PGR: variants seen among roughly 807,000 people sequenced by gnomAD.
The protein encoded by PGR is progesterone receptor, also known as nuclear receptor subfamily 3 group C member 3.
PGR carries 25 observed loss-of-function variants against 76.1 expected under a neutral mutation model. The observed-to-expected ratio is 0.33, with a 90% CI of 0.24 to 0.46. The LOEUF (loss-of-function observed/expected upper bound fraction) is 0.46. PGR is among the 20% of genes least tolerant of loss of function. The pLI is 1.00. For synonymous variants in PGR, 579 were observed against 535.0 expected, an observed-to-expected ratio of 1.08 and a Z score of -1.14; for missense variants, 1,172 against 1,225.3, an observed-to-expected ratio of 0.96 and a Z score of 0.65.
intron 3 of PGR, among the ~76,000 whole-genome samples, chr11:101,073,661 C>A (rs764974454): frequency 3.3e-5 from 5 of 152,090 alleles, no homozygotes; most frequent in Non-Finnish European, 7.4e-5. Context: ...CACCAGTGAT[C>A]CCACAGAAAT....
Position 101,069,670 on chromosome 11 carries a change from T to C in PGR, c.1907-6918A>G, listed in dbSNP as rs2135422046. On this transcript the variant is annotated intron_variant, in intron 3 of 7. Coordinates refer to ENST00000325455, the MANE Select transcript of PGR (RefSeq NM_000926.4). ...GTGGCACATATACACCATGGAATAC[T>C]ATGCAGCCATCAAAAGGGATGAGTT... 2.0e-5 allele frequency among the ~76,000 whole-genome samples: 3 copies of C among 152,338 alleles called. No individual in the cohort carries two copies. The South Asian group carries it at 6.2e-4, about 32-fold the overall frequency.
intron 2 of PGR, among the ~76,000 whole-genome samples, chr11:101,109,418 A>G (rs968550822): frequency 1.3e-5 from 2 of 152,210 alleles, no homozygotes; most frequent in Admixed American, 1.3e-4. Flanking sequence ...AATGATAAGA[A>G]AGCAAAAAAA....
Position 101,039,092 on chromosome 11 carries a change from T to C in PGR, c.*24A>G, listed in dbSNP as rs1304643660. 10 of 1,595,700 alleles carry C rather than the reference T, an allele frequency of 6.3e-6. No homozygotes were observed. The highest frequency in any genetic ancestry group is 8.6e-6 in the Non-Finnish European group (10 of 1,164,400). On this transcript the variant is annotated 3_prime_UTR_variant, in exon 8 of 8. Transcript: ENST00000325455. ...CAAAAAGACATACCACAAAATTTAA[T>C]TCTTTAAAAGAAAAAGATGACATTC...
Position 101,033,809 on chromosome 11 carries a change from A to AACTT in PGR, c.*5303_*5306dup. ...AAACGTCATAGACAAAGAGATCAGAAACTTAACATATAACTGACAAGACAA... is the reference window on the plus strand; with the variant it reads ...AAACGTCATAGACAAAGAGATCAGAAACTTACTTAACATATAACTGACAAGACAA... On this transcript the variant is annotated 3_prime_UTR_variant, in exon 8 of 8. Transcript: ENST00000325455. 1 of 207,914 alleles carries AACTT rather than the reference A, an allele frequency of 4.8e-6. No individual in the cohort carries two copies. Among genetic ancestry groups the AACTT allele is most frequent in the East Asian group, 7.3e-5 (1 of 13,622 alleles). The allele number at this position is 207,914 out of a possible 1,614,324, so 12.9% of individuals were successfully genotyped here.
Position 101,049,865 on chromosome 11 carries a change from T to G in PGR, c.2488+64A>C, listed in dbSNP as rs1860029697. ...ATACATAACTATATAATCATATTGT[T>G]TGCAACTTTTCTAATGAATTAAGAA... is the stretch of plus-strand genomic sequence containing the variant. On this transcript the variant is annotated intron_variant, in intron 6 of 7. Transcript: ENST00000325455. 5.7e-6 allele frequency: 8 copies of G among 1,392,542 alleles called. No homozygotes were observed. The Admixed American group carries it at 1.4e-4, about 24-fold the overall frequency. 86.3% of individuals were successfully genotyped at this position (1,392,542 alleles called of 1,614,324 possible).
chr11:101,033,007 C>A lies in PGR; in HGVS notation c.*6109G>T, dbSNP rs1021011006. The stretch of plus-strand genomic sequence containing the variant: ...TAACTTTTGTAAATCATATTTAATC[C>A]TCTCAAAATACAAAGAACTTTGATA... On this transcript the variant is annotated 3_prime_UTR_variant, in exon 8 of 8. Transcript: ENST00000325455. 7 of 190,128 alleles carry A rather than the reference C, an allele frequency of 3.7e-5. No individual in the cohort carries two copies. Among genetic ancestry groups the A allele is most frequent in the African/African-American group, 1.6e-4 (7 of 42,924 alleles). 11.8% of individuals were successfully genotyped at this position (190,128 alleles called of 1,614,324 possible).
intron 3 of PGR, 87 bp from the exon 4 acceptor site, chr11:101,062,839 C>A: frequency 1.2e-6 from 1 of 863,442 alleles, no homozygotes; most frequent in Non-Finnish European, 1.8e-6. Context: ...GTCTTAGAAT[C>A]ATAGCATTAT....
chr11:101,045,364 A>T (rs945851946), intron 6 of PGR, among the ~76,000 whole-genome samples: 1 of 152,190 alleles, frequency 6.6e-6, no homozygotes, highest in African/African-American at 2.4e-5. Flanking sequence ...TTACATGAAT[A>T]TATTGCATAG....
chr11:101,091,882 A>G lies in PGR; in HGVS notation c.1790-6T>C. The G allele has an allele frequency of 7.0e-7, 1 of 1,426,802 alleles. No individual in the cohort carries two copies. Among genetic ancestry groups the G allele is most frequent in the South Asian group, 1.1e-5 (1 of 87,202 alleles). 88.4% of individuals were successfully genotyped at this position (1,426,802 alleles called of 1,614,324 possible). A position where few individuals can be genotyped will look rare whatever the true frequency, so the allele number is the denominator to read the frequency against. On this transcript the variant is annotated splice_polypyrimidine_tract_variant and splice_region_variant and intron_variant, in intron 2 of 7. Transcript: ENST00000325455. ...ACATAAGTAGTTGTGCTGCCCTAAA[A>G]AAACAAAATGAGTCAAAATTATTTA... is the stretch of plus-strand genomic sequence containing the variant.
At chr11:101,055,127 A>C (rs1860240808) in intron 4 of PGR, among the ~76,000 whole-genome samples, 1 of 152,074 alleles carries the variant, frequency 6.6e-6, no homozygotes. Context: ...ATAATACAAA[A>C]AAATGGGCTG....
At chr11:101,058,410 C>A (rs1860369025) in intron 4 of PGR, among the ~76,000 whole-genome samples, 1 of 152,080 alleles carries the variant, frequency 6.6e-6, no homozygotes, top group Admixed American at 6.5e-5. Flanking sequence ...AGAAAAAATC[C>A]TCTGTCAAGA....
At position 101,035,348 on chromosome 11, in the gene PGR, A is replaced by G. The variant is rs1377938123; in HGVS notation, c.*3768T>C. The G allele has an allele frequency of 4.3e-6, 1 of 230,960 alleles. No individual in the cohort carries two copies. Among genetic ancestry groups the G allele is most frequent in the African/African-American group, 2.2e-5 (1 of 45,248 alleles). The allele number at this position is 230,960 out of a possible 1,614,324, so 14.3% of individuals were successfully genotyped here. A position where few individuals can be genotyped will look rare whatever the true frequency, so the allele number is the denominator to read the frequency against. Reference sequence around the variant, plus strand: ...TATCCTGACTTCTGATGTGTGAAGGATAAGTATGGATGAGAGAAACTGCTC... The same window carrying G: ...TATCCTGACTTCTGATGTGTGAAGGGTAAGTATGGATGAGAGAAACTGCTC... On this transcript the variant is annotated 3_prime_UTR_variant, in exon 8 of 8. Transcript: ENST00000325455.
chr11:101,048,824 C>A (rs1354546767), intron 6 of PGR, among the ~76,000 whole-genome samples: 1 of 152,022 alleles, frequency 6.6e-6, no homozygotes, highest in Non-Finnish European at 1.5e-5. Context: ...CTTACCGTAA[C>A]TTTTTTACTT....
chr11:101,123,526 G>C (rs1276340907), intron 2 of PGR, among the ~76,000 whole-genome samples: 1 of 152,164 alleles, frequency 6.6e-6, no homozygotes, highest in Non-Finnish European at 1.5e-5. Context: ...TAGCAATCTA[G>C]TTTCTCAAAC....
rs1212139518 is a variant in PGR, at chr11:101,035,483, T to C, written c.*3633A>G. The C allele has an allele frequency of 1.3e-5, 3 of 231,602 alleles. No homozygotes were observed. Among genetic ancestry groups the C allele is most frequent in the Non-Finnish European group, 2.6e-5 (3 of 117,106 alleles). The allele number at this position is 231,602 out of a possible 1,614,324, so 14.3% of individuals were successfully genotyped here. A position where few individuals can be genotyped will look rare whatever the true frequency, so the allele number is the denominator to read the frequency against. ...TGGGCATTTTATATCATAACCTTCT[T>C]AGGGATAGGGATGTTTTTTGGGTTG... On this transcript the variant is annotated 3_prime_UTR_variant, in exon 8 of 8. Transcript: ENST00000325455.
chr11:101,040,380 A>G (rs1859657846), intron 7 of PGR, among the ~76,000 whole-genome samples: 1 of 151,882 alleles, frequency 6.6e-6, no homozygotes, highest in Non-Finnish European at 1.5e-5. Flanking sequence ...GTTGGGGTGG[A>G]TCTTTGGCTT....
chr11:101,059,175 G>C (rs1342393246), intron 4 of PGR, among the ~76,000 whole-genome samples: 1 of 151,600 alleles, frequency 6.6e-6, no homozygotes, highest in African/African-American at 2.4e-5. Flanking sequence ...TCAAAGTCTT[G>C]TTTCTCCTGT....
At chr11:101,053,688 T>G (rs1305387171) in intron 4 of PGR, among the ~76,000 whole-genome samples, 1 of 145,578 alleles carries the variant, frequency 6.9e-6, no homozygotes, top group African/African-American at 2.6e-5. Flanking sequence ...CCCTCCTTTC[T>G]TCTCTCACTC....
chr11:101,083,684 C>G (rs1229128184), intron 3 of PGR, among the ~76,000 whole-genome samples: 3 of 152,280 alleles, frequency 2.0e-5, no homozygotes. Flanking sequence ...GGGTTTTGAA[C>G]TTGCTTGGGG....
Sources: gnomAD v4.1 joint callset for allele counts (sites outside exome capture counted in the v4.1 genomes callset) on GRCh38, gnomAD v4.1.1 for gene constraint, MANE v1.5 for transcripts, NCBI Gene and HGNC (gene_info 2026-07-23, HGNC 2026-07-21) for gene names.